The following OTOGL variants were observed in gnomAD, a reference collection of about 807,000 sequenced individuals.
The protein encoded by OTOGL is otogelin-like protein.
A neutral mutation model predicts 318.5 loss-of-function variants in OTOGL; 285 were observed. That is an observed-to-expected ratio of 0.89 (90% CI 0.81 to 0.99). OTOGL has a LOEUF of 0.99. Among genes scored for constraint, OTOGL ranks in the 50% least tolerant of loss-of-function variants. The pLI is 0.00. For missense variants in OTOGL, 2,899 were observed against 2,845.6 expected (o/e 1.02, Z -0.43); for synonymous variants, 987 against 936.5 (o/e 1.05, Z -0.99).
intron 1 of OTOGL, among the ~76,000 whole-genome samples, chr12:80,175,640 G>A (rs1874477629): frequency 6.6e-6 from 1 of 152,112 alleles, no homozygotes; most frequent in Non-Finnish European, 1.5e-5. Context: ...TTCCCACACT[G>A]AGCTCTTTTT....
intron 1 of OTOGL, chr12:80,189,578 G>A (rs1875532680): frequency 1.1e-5 from 7 of 638,022 alleles, no homozygotes; most frequent in Non-Finnish European, 1.4e-5. Flanking sequence ...TTATCTGAAA[G>A]ACCAAAAGAG....
chr12:80,247,373 T>A, intron 11 of OTOGL, among the ~76,000 whole-genome samples: 1 of 132,484 alleles, frequency 7.5e-6, no homozygotes, highest in African/African-American at 3.3e-5. Context: ...GTCTTTGTTC[T>A]CGTTGGTTTC....
intron 9 of OTOGL, among the ~76,000 whole-genome samples, chr12:80,234,284 T>A (rs919972677): frequency 6.6e-6 from 1 of 152,188 alleles, no homozygotes; most frequent in Non-Finnish European, 1.5e-5. Context: ...AGCTTGTAAC[T>A]GATACTGTCA....
chr12:80,315,183 C>A (rs1287199992), intron 32 of OTOGL, among the ~76,000 whole-genome samples: 4 of 151,994 alleles, frequency 2.6e-5, no homozygotes, highest in African/African-American at 9.7e-5. Context: ...ACTATATTCA[C>A]AATTTTCTTA....
intron 1 of OTOGL, among the ~76,000 whole-genome samples, chr12:80,128,817 G>C (rs181971089): frequency 6.6e-6 from 1 of 152,188 alleles, no homozygotes; most frequent in South Asian, 2.1e-4. Context: ...GCGAGGCTTC[G>C]TAGGCATAGG....
At chr12:80,374,183 C>T (rs1891053569) in intron 57 of OTOGL, among the ~76,000 whole-genome samples, 1 of 152,104 alleles carries the variant, frequency 6.6e-6, no homozygotes, top group South Asian at 2.1e-4. Flanking sequence ...AGATCTGCTC[C>T]AAACCTCTTT....
In OTOGL at chr12:80,254,516, T is replaced by C; in HGVS notation, c.1395-8T>C. The C allele has an allele frequency of 6.3e-7, 1 of 1,599,758 alleles. No individual in the cohort carries two copies. The highest frequency in any genetic ancestry group is 8.5e-7 in the Non-Finnish European group (1 of 1,170,292). On this transcript the variant is annotated splice_polypyrimidine_tract_variant and splice_region_variant and intron_variant, in intron 14 of 58. Transcript: ENST00000547103. ...CCAATAGATTAATATTTTTATAATT[T>C]CTTTTAGTGTGTGTGTTGGTGGAGT...
At chr12:80,162,451 G>A (rs1163648286) in intron 1 of OTOGL, among the ~76,000 whole-genome samples, 1 of 152,046 alleles carries the variant, frequency 6.6e-6, no homozygotes, top group African/African-American at 2.4e-5. Flanking sequence ...AGTTCACTAG[G>A]GCTGCCTTAA....
At chr12:80,159,777 A>G (rs1183565082) in intron 1 of OTOGL, among the ~76,000 whole-genome samples, 1 of 152,150 alleles carries the variant, frequency 6.6e-6, no homozygotes, top group Non-Finnish European at 1.5e-5. Flanking sequence ...ACCAAACAAA[A>G]GCCCACATAG....
Position 80,265,164 on chromosome 12 carries a change from C to T in OTOGL, c.2178C>T (p.Gly726=). The T allele has an allele frequency of 1.2e-6, 2 of 1,613,872 alleles. No homozygotes were observed. Among genetic ancestry groups the T allele is most frequent in the Non-Finnish European group, 1.7e-6 (2 of 1,179,862 alleles). Residue 726 remains glycine (G), a synonymous_variant, in exon 20 of 59, where the codon GGC becomes GGT. Transcript: ENST00000547103. ...TTGCCCACTATGCCTACCTCTGCGG[C>T]CAGCACGGTGTTCCCATTGATTTCA... is the stretch of plus-strand genomic sequence containing the variant. ...NALAHYAYLC[G]QHGVPIDFRT... is the part of the protein sequence containing the mutation.
At chr12:80,330,308 G>T (rs1887988566) in intron 37 of OTOGL, among the ~76,000 whole-genome samples, 1 of 152,158 alleles carries the variant, frequency 6.6e-6, no homozygotes, top group Non-Finnish European at 1.5e-5. Context: ...TTAAGCATTT[G>T]TCATACTTTT....
chr12:80,205,150 G>C (rs1272908382), intron 1 of OTOGL, among the ~76,000 whole-genome samples: 1 of 152,120 alleles, frequency 6.6e-6, no homozygotes. Context: ...CAAAGCATGA[G>C]AAACCAACTT....
At chr12:80,229,149 G>A in intron 7 of OTOGL, 108 bp from the exon 8 acceptor site, 1 of 1,253,378 alleles carries the variant, frequency 8.0e-7, no homozygotes, top group East Asian at 2.3e-5. Context: ...ACGTTGTAAA[G>A]TGTCATGGGA....
rs1019996456 is a variant in OTOGL at position 80,378,942 on chromosome 12, C to T, written c.*894C>T. The stretch of plus-strand genomic sequence containing the variant: ...TTAAAACTGCTATTAAATGTGTTGT[C>T]AGTATTTAACATTTAGTTACTGTCT... On this transcript the variant is annotated 3_prime_UTR_variant, in exon 59 of 59. Transcript: ENST00000547103. 3 of 152,242 alleles carry T rather than the reference C, an allele frequency of 2.0e-5. No individual in the cohort carries two copies. Among genetic ancestry groups the T allele is most frequent in the Non-Finnish European group, 4.4e-5 (3 of 67,870 alleles). 9.4% of individuals were successfully genotyped at this position (152,242 alleles called of 1,614,324 possible). A position where few individuals can be genotyped will look rare whatever the true frequency, so the allele number is the denominator to read the frequency against.
At chr12:80,126,297 A>T (rs1360719820) in intron 1 of OTOGL, among the ~76,000 whole-genome samples, 1 of 151,862 alleles carries the variant, frequency 6.6e-6, no homozygotes, top group African/African-American at 2.4e-5. Context: ...TTCATTATGT[A>T]CCCAGTAGTC....
chr12:80,316,767 A>G (rs1886999859), intron 32 of OTOGL, among the ~76,000 whole-genome samples: 1 of 152,194 alleles, frequency 6.6e-6, no homozygotes, highest in Non-Finnish European at 1.5e-5. Context: ...TGATTGTGGA[A>G]AGTGATAATA....
chr12:80,174,260 G>T (rs1373866949), intron 1 of OTOGL, among the ~76,000 whole-genome samples: 1 of 152,124 alleles, frequency 6.6e-6, no homozygotes, highest in Non-Finnish European at 1.5e-5. Context: ...AATAAGCAGG[G>T]TTAGTCTAAA....
At chr12:80,186,399 C>T (rs1875292067) in intron 1 of OTOGL, among the ~76,000 whole-genome samples, 1 of 152,130 alleles carries the variant, frequency 6.6e-6, no homozygotes, top group Non-Finnish European at 1.5e-5. Context: ...TTCATTACCT[C>T]TCGGATGTCT....
chr12:80,286,901 C>T (rs143622469), intron 26 of OTOGL, among the ~76,000 whole-genome samples: 76 of 152,158 alleles, frequency 5.0e-4, no homozygotes, highest in African/African-American at 1.6e-3. Flanking sequence ...CTGCTCTGTT[C>T]TTAGTTATTT....
Sources: allele counts gnomAD v4.1 joint callset (sites outside exome capture counted in the v4.1 genomes callset), GRCh38; gene constraint gnomAD v4.1.1; transcripts MANE v1.5; gene names NCBI Gene and HGNC (gene_info 2026-07-23, HGNC 2026-07-21).